Variants in SMIM10L3 observed in about 807,000 individuals in gnomAD.
The protein encoded by SMIM10L3 is salivary gland specific protein SAGSIN1.
the SMIM10L3 span, among the ~76,000 whole-genome samples, chr7:6,337,073 CTT>C: frequency 9.0e-5 from 13 of 144,816 alleles, no homozygotes; most frequent in Non-Finnish European, 7.6e-5. Flanking sequence ...TATTTTAATT[CTT>C]TTTTTTTTTT....
the SMIM10L3 span, among the ~76,000 whole-genome samples, chr7:6,340,965 T>TTAA: frequency 1.1e-5 from 1 of 87,438 alleles, no homozygotes; most frequent in South Asian, 3.9e-4. Flanking sequence ...CTGTCTCTAC[T>TTAA]AAAAAAAAAA....
chr7:6,338,969 G>C, the SMIM10L3 span, among the ~76,000 whole-genome samples: 1 of 152,202 alleles, frequency 6.6e-6, no homozygotes, highest in East Asian at 1.9e-4. Context: ...CCCCTCAGGT[G>C]TGAACGCTAG....
the SMIM10L3 span, among the ~76,000 whole-genome samples, chr7:6,332,872 AAATT>A: frequency 1.3e-5 from 2 of 151,722 alleles, no homozygotes; most frequent in African/African-American, 4.8e-5. Context: ...GATTTGTTAT[AAATT>A]TTGGCCAGGC....
At chr7:6,332,374 T>C in the SMIM10L3 span, among the ~76,000 whole-genome samples, 6 of 152,182 alleles carry the variant, frequency 3.9e-5, no homozygotes, top group East Asian at 1.9e-4. Context: ...TACTGCCCTA[T>C]GGATACTGAC....
the SMIM10L3 span, among the ~76,000 whole-genome samples, chr7:6,344,290 C>G: frequency 6.6e-6 from 1 of 152,070 alleles, no homozygotes; most frequent in African/African-American, 2.4e-5. Context: ...AACAAAAACT[C>G]TAAAACCTGC....
the SMIM10L3 span, among the ~76,000 whole-genome samples, chr7:6,344,165 C>T: frequency 3.3e-5 from 5 of 150,186 alleles, no homozygotes; most frequent in African/African-American, 1.2e-4. Context: ...AAAAAAAAGG[C>T]GTGGGGCTGT....
the SMIM10L3 span, among the ~76,000 whole-genome samples, chr7:6,332,547 G>A: frequency 6.6e-6 from 1 of 152,086 alleles, no homozygotes; most frequent in Non-Finnish European, 1.5e-5. Context: ...GCCAGGCGTG[G>A]TGGCTCATGC....
At chr7:6,347,883 T>TTATTA in the SMIM10L3 span, among the ~76,000 whole-genome samples, 86 of 131,534 alleles carry the variant, frequency 6.5e-4, no homozygotes, top group African/African-American at 2.4e-3. Context: ...ACGAGACCCC[T>TTATTA]TTATTATTAT....
the SMIM10L3 span, among the ~76,000 whole-genome samples, chr7:6,339,291 G>A: frequency 6.6e-6 from 1 of 151,968 alleles, no homozygotes; most frequent in Non-Finnish European, 1.5e-5. Flanking sequence ...AACACAGCAA[G>A]ACCCCCATCT....
chr7:6,332,828 C>T, the SMIM10L3 span, among the ~76,000 whole-genome samples: 1 of 152,138 alleles, frequency 6.6e-6, no homozygotes, highest in Non-Finnish European at 1.5e-5. Context: ...AACTAGGAGA[C>T]TCTTAATGCT....
At chr7:6,336,188 A>AAT in the SMIM10L3 span, among the ~76,000 whole-genome samples, 1 of 150,462 alleles carries the variant, frequency 6.6e-6, no homozygotes, top group African/African-American at 2.4e-5. Flanking sequence ...AAAAAAAAAA[A>AAT]TTAAAAGATT....
At chr7:6,344,481 G>A in the SMIM10L3 span, among the ~76,000 whole-genome samples, 12 of 152,068 alleles carry the variant, frequency 7.9e-5, no homozygotes, top group African/African-American at 1.4e-4. Flanking sequence ...GGAGTACAGT[G>A]GTACAATTAT....
At chr7:6,333,743 T>C in the SMIM10L3 span, among the ~76,000 whole-genome samples, 2 of 150,000 alleles carry the variant, frequency 1.3e-5, no homozygotes, top group Non-Finnish European at 2.9e-5. Flanking sequence ...TTCGAAGAGA[T>C]CCAAGTAGGT....
the SMIM10L3 span, among the ~76,000 whole-genome samples, chr7:6,334,038 G>A: frequency 1.3e-5 from 2 of 150,906 alleles, 1 homozygote; most frequent in South Asian, 4.2e-4. Flanking sequence ...AGTAGAGATG[G>A]GGTTTCACCA....
At chr7:6,342,992 G>A in the SMIM10L3 span, among the ~76,000 whole-genome samples, 45 of 150,112 alleles carry the variant, frequency 3.0e-4, no homozygotes, top group Middle Eastern at 3.4e-3. Flanking sequence ...AGCTATGATC[G>A]CACCACTGCA....
the SMIM10L3 span, among the ~76,000 whole-genome samples, chr7:6,333,871 T>G: frequency 4.6e-4 from 52 of 112,592 alleles, no homozygotes; most frequent in Non-Finnish European, 8.5e-4. Flanking sequence ...TGAGACAGAG[T>G]CTTGCTCTTT....
the SMIM10L3 span, chr7:6,330,792 A>C: frequency 1.2e-6 from 2 of 1,614,034 alleles, no homozygotes; most frequent in Non-Finnish European, 1.7e-6. Flanking sequence ...GAGCTTCAAC[A>C]CCACTGCAGG....
chr7:6,330,074 G>A, the SMIM10L3 span: 2 of 346,884 alleles, frequency 5.8e-6, no homozygotes, highest in East Asian at 7.2e-5. Flanking sequence ...GGATGTTGAA[G>A]ACAGAACTTC....
At chr7:6,348,440 T>C in the SMIM10L3 span, 1 of 396,496 alleles carries the variant, frequency 2.5e-6, no homozygotes, top group Non-Finnish European at 4.4e-6. Context: ...CAAAGTAGGG[T>C]CGCACGGGAA....
Sources: gnomAD v4.1 joint callset for allele counts (sites outside exome capture counted in the v4.1 genomes callset) on GRCh38, gnomAD v4.1.1 for gene constraint, MANE v1.5 for transcripts, NCBI Gene and HGNC (gene_info 2026-07-23, HGNC 2026-07-21) for gene names.